ANXA1: variants seen among roughly 807,000 people sequenced by gnomAD.
ANXA1 encodes the protein annexin I (lipocortin I).
In ANXA1, 39 loss-of-function variants were observed where a neutral mutation model predicts 47.9. That is an observed-to-expected ratio of 0.81 (90% CI 0.63 to 1.06). The LOEUF (loss-of-function observed/expected upper bound fraction) is 1.06. ANXA1 is among the 50% of genes least tolerant of loss of function. The pLI is 0.00. For missense variants in ANXA1, 446 were observed against 422.7 expected, an observed-to-expected ratio of 1.06 and a Z score of -0.48; for synonymous variants, 146 against 142.5, an observed-to-expected ratio of 1.02 and a Z score of -0.17.
chr9:73,154,410 CTTTCTTTTCTTT>C (rs908741321), intron 1 of ANXA1: 37 of 1,250,772 alleles, frequency 3.0e-5, no homozygotes, highest in African/African-American at 2.3e-4. Context: ...CCTCCCTTCT[CTTTCTTTTCTTT>C]TTTCTTTTCT....
chr9:73,152,674 C>G (rs975906079), intron 1 of ANXA1, among the ~76,000 whole-genome samples: 23 of 152,082 alleles, frequency 1.5e-4, no homozygotes, highest in Non-Finnish European at 3.1e-4. Context: ...AGGGGAATGT[C>G]AGTGAGGCCC....
chr9:73,160,309 A>T lies in ANXA1; in HGVS notation c.317A>T (p.Glu106Val), dbSNP rs1481029319. 4 of 1,585,946 alleles carry T rather than the reference A, an allele frequency of 2.5e-6. No individual in the cohort carries two copies. In the African/African-American group the frequency reaches 5.5e-5, roughly 22 times the overall value. ...AAAGCCCTTACAGGTCACCTTGAGG[A>T]GGTTGTTTTAGCTCTGCTAAAAACT... ...LKKALTGHLE[E>V]VVLALLKTPA... Residue 106 changes from glutamate (E) to valine (V), a missense_variant, in exon 5 of 13, where the codon GAG (glutamate) becomes GTG (valine). Coordinates refer to ENST00000257497, the MANE Select transcript of ANXA1 (RefSeq NM_000700.3).
intron 8 of ANXA1, 43 bp from the exon 9 acceptor site, chr9:73,165,073 T>C (rs773900828): frequency 1.3e-6 from 2 of 1,486,322 alleles, no homozygotes; most frequent in South Asian, 2.3e-5. Context: ...GCAGATATCA[T>C]TTCAGCAGAT....
chr9:73,160,903 A>C lies in ANXA1; in HGVS notation c.475+10A>C, dbSNP rs1300494148. ...AGGGTCTACAGAGAGGGTAAGTTGT[A>C]ATGTCCAACAGTCCAAACGCCTTAT... On this transcript the variant is annotated intron_variant, in intron 6 of 12. Coordinates refer to ENST00000257497, the MANE Select transcript of ANXA1 (RefSeq NM_000700.3). 6.4e-7 allele frequency: 1 copy of C among 1,564,268 alleles called. No homozygotes were observed.
At chr9:73,153,953 G>A (rs970429182) in intron 1 of ANXA1, among the ~76,000 whole-genome samples, 6 of 152,248 alleles carry the variant, frequency 3.9e-5, no homozygotes, top group Non-Finnish European at 5.9e-5. Flanking sequence ...GAAGGTCACC[G>A]AATCCAGTGC....
rs35304764 is a variant in ANXA1, at chr9:73,158,733, G to A, written c.105G>A (p.Ala35=). 77 of 1,613,784 alleles carry A rather than the reference G, an allele frequency of 4.8e-5. 1 individual carries two copies. The East Asian group carries it at 1.1e-3, about 24-fold the overall frequency. ...CATCCAAAGGTGGTCCCGGATCAGC[G>A]GTGAGCCCCTATCCTACCTTCAATC... ...VKSSKGGPGS[A]VSPYPTFNPS... The change falls in exon 3 of 13, where the codon GCG becomes GCA. Residue 35 remains alanine (A), a synonymous_variant. Transcript: ENST00000257497.
chr9:73,160,413 G>A (rs781710936), intron 5 of ANXA1, 37 bp downstream of exon 5: 10 of 1,429,602 alleles, frequency 7.0e-6, no homozygotes, highest in South Asian at 6.7e-5. Context: ...CTTTCCTCAA[G>A]AGGATGTATT....
chr9:73,168,938 T>A (rs1824278574), intron 11 of ANXA1, 94 bp from the exon 12 acceptor site: 1 of 1,165,366 alleles, frequency 8.6e-7, no homozygotes, highest in African/African-American at 1.6e-5. Context: ...ATAGAAATTA[T>A]ATGGAAGAGT....
intron 1 of ANXA1, chr9:73,154,421 TTTTTC>T (rs1235902368): frequency 4.9e-6 from 6 of 1,223,548 alleles, no homozygotes; most frequent in Non-Finnish European, 5.5e-6. Context: ...TTTCTTTTCT[TTTTTC>T]TTTTCTTTTC....
chr9:73,154,898 G>A (rs1170575581), intron 1 of ANXA1, among the ~76,000 whole-genome samples: 1 of 152,158 alleles, frequency 6.6e-6, no homozygotes, highest in Non-Finnish European at 1.5e-5. Flanking sequence ...AGTCATTGCT[G>A]TTACTATCAT....
chr9:73,152,147 A>G (rs1823982529), intron 1 of ANXA1, among the ~76,000 whole-genome samples: 1 of 152,222 alleles, frequency 6.6e-6, no homozygotes, highest in Admixed American at 6.5e-5. Flanking sequence ...TAAAAATAAG[A>G]TAAGTTTGCT....
At chr9:73,157,640 A>G (rs1288485222) in intron 1 of ANXA1, 1 of 146,862 alleles carries the variant, frequency 6.8e-6, no homozygotes, top group Non-Finnish European at 1.5e-5. Context: ...GGCGACAGAG[A>G]AAGACTCCAT....
intron 1 of ANXA1, chr9:73,154,247 C>T (rs1824013024): frequency 2.4e-6 from 3 of 1,268,834 alleles, no homozygotes; most frequent in Non-Finnish European, 3.2e-6. Context: ...AAAAACTATG[C>T]ACAAGGCCGT....
chr9:73,169,183 C>A, intron 12 of ANXA1, 29 bp downstream of exon 12: 1 of 1,563,758 alleles, frequency 6.4e-7, no homozygotes, highest in Non-Finnish European at 8.6e-7. Context: ...AATGCCATCC[C>A]AACAAATGAA....
In ANXA1 at chr9:73,155,001, C is replaced by A. The variant is rs60521953; in HGVS notation, c.-15+3077C>A. The stretch of plus-strand genomic sequence containing the variant: ...TGTCACAAATTCTAGATAGAGGTAG[C>A]CTTTCATGAGGCTGAGAGATGGAAA... On this transcript the variant is annotated intron_variant, in intron 1 of 12. Coordinates refer to ENST00000257497, the MANE Select transcript of ANXA1 (RefSeq NM_000700.3). Among the ~76,000 whole-genome samples, 660 of 152,190 alleles carry A rather than the reference C, an allele frequency of 4.3e-3. 18 individuals are homozygous for A. Among genetic ancestry groups the A allele is most frequent in the East Asian group, 0.043 (222 of 5,172 alleles).
At chr9:73,164,626 A>T (rs781293992) in intron 8 of ANXA1, among the ~76,000 whole-genome samples, 1 of 152,134 alleles carries the variant, frequency 6.6e-6, no homozygotes, top group Non-Finnish European at 1.5e-5. Flanking sequence ...AAAAGAAAAA[A>T]ATCTGTCATT....
chr9:73,162,546 A>G (rs186144366), intron 6 of ANXA1, among the ~76,000 whole-genome samples: 307 of 152,314 alleles, frequency 2.0e-3, no homozygotes, highest in Non-Finnish European at 1.1e-3. Flanking sequence ...TGAGTTTTCA[A>G]TCACAGTATT....
chr9:73,167,427 T>A, intron 10 of ANXA1, 70 bp from the exon 11 acceptor site: 2 of 1,426,928 alleles, frequency 1.4e-6, no homozygotes, highest in South Asian at 2.3e-5. Context: ...CTATATTTCC[T>A]GTTTCTTTCA....
rs760100719 is a variant in ANXA1 at position 73,158,809 on chromosome 9, G to A, written c.175+6G>A. The A allele has an allele frequency of 5.6e-6, 9 of 1,609,886 alleles. No homozygotes were observed. Among genetic ancestry groups the A allele is most frequent in the East Asian group, 4.5e-5 (2 of 44,818 alleles). ...TAAGGCCATAATGGTTAAAGGTAACGTGTTTCCTCAAAACAGTTCCCTCCT... is the reference window on the plus strand; with the variant it reads ...TAAGGCCATAATGGTTAAAGGTAACATGTTTCCTCAAAACAGTTCCCTCCT... On this transcript the variant is annotated splice_donor_region_variant and intron_variant, in intron 3 of 12. Coordinates refer to ENST00000257497, the MANE Select transcript of ANXA1 (RefSeq NM_000700.3).
Sources: gnomAD v4.1 joint callset for allele counts (sites outside exome capture counted in the v4.1 genomes callset) on GRCh38, gnomAD v4.1.1 for gene constraint, MANE v1.5 for transcripts, NCBI Gene and HGNC (gene_info 2026-07-23, HGNC 2026-07-21) for gene names.